Variants in ROBO1 observed in about 807,000 individuals in gnomAD.
ROBO1 encodes roundabout homolog 1.
ROBO1 carries 149 observed loss-of-function variants against 195.9 expected under a neutral mutation model. The ratio of observed to expected loss-of-function variants is 0.76; its 90% CI spans 0.67 to 0.87. ROBO1 has a LOEUF of 0.87. Among genes scored for constraint, ROBO1 ranks in the 40% least tolerant of loss-of-function variants. The pLI is 0.00. For synonymous variants in ROBO1, 816 were observed against 733.2 expected (o/e 1.11, Z -1.82); for missense variants, 1,933 against 2,068.3 (o/e 0.93, Z 1.27).
At chr3:78,784,738 T>C (rs935932392) in intron 4 of ROBO1, among the ~76,000 whole-genome samples, 1 of 152,192 alleles carries the variant, frequency 6.6e-6, no homozygotes, top group African/African-American at 2.4e-5. Flanking sequence ...TCAACATTGG[T>C]CCTGGATATT....
intron 2 of ROBO1, among the ~76,000 whole-genome samples, chr3:79,261,572 A>G (rs550348838): frequency 1.1e-4 from 16 of 152,138 alleles, no homozygotes; most frequent in Admixed American, 3.3e-4. Context: ...TTTTAAGGCT[A>G]TCTTCTTAAG....
Position 78,710,135 on chromosome 3 carries a change from T to A in ROBO1, c.1045+4262A>T, listed in dbSNP as rs1575988579. Reference sequence around the variant, plus strand: ...CCCAGGTTGGAGTGCAAGGCAGGGTTCGCAGCTCACTGAAACTTCCCACTC... The same window carrying A: ...CCCAGGTTGGAGTGCAAGGCAGGGTACGCAGCTCACTGAAACTTCCCACTC... On this transcript the variant is annotated intron_variant, in intron 8 of 30. Coordinates refer to ENST00000464233, the MANE Select transcript of ROBO1 (RefSeq NM_002941.4). Among the ~76,000 whole-genome samples, 5 of 152,248 alleles carry A rather than the reference T, an allele frequency of 3.3e-5. No individual in the cohort carries two copies. The East Asian group carries it at 9.6e-4, about 29-fold the overall frequency.
chr3:79,069,724 T>C (rs2079056330), intron 3 of ROBO1, among the ~76,000 whole-genome samples: 1 of 151,928 alleles, frequency 6.6e-6, no homozygotes, highest in Non-Finnish European at 1.5e-5. Context: ...ACTTAGTAGT[T>C]AATTTGGCTA....
intron 2 of ROBO1, among the ~76,000 whole-genome samples, chr3:79,189,817 A>C (rs184172570): frequency 6.6e-5 from 10 of 151,850 alleles, no homozygotes; most frequent in African/African-American, 1.9e-4. Context: ...AGTTTAAAGA[A>C]ACATAAATAG....
chr3:78,847,354 C>T lies in ROBO1; in HGVS notation c.499+91247G>A, dbSNP rs551061574. Among the ~76,000 whole-genome samples, 3 of 152,156 alleles carry T rather than the reference C, an allele frequency of 2.0e-5. 1 individual carries two copies. The South Asian group carries it at 6.2e-4, about 32-fold the overall frequency. On this transcript the variant is annotated intron_variant, in intron 4 of 30. Transcript: ENST00000464233. Reference sequence around the variant, plus strand: ...AGGGACCAGAAATGTGTCAGGCCACCGTGTGTTACTTTTTAACAGCTATAC... The same window carrying T: ...AGGGACCAGAAATGTGTCAGGCCACTGTGTGTTACTTTTTAACAGCTATAC...
At chr3:79,490,520 G>A (rs538570726) in intron 2 of ROBO1, among the ~76,000 whole-genome samples, 1 of 152,300 alleles carries the variant, frequency 6.6e-6, no homozygotes, top group South Asian at 2.1e-4. Context: ...AGAAGAAGCC[G>A]AGAAGGAGGA....
At chr3:79,019,076 T>C in intron 3 of ROBO1, 1 of 989,624 alleles carries the variant, frequency 1.0e-6, no homozygotes, top group Non-Finnish European at 1.2e-6. Context: ...CGACAGCGGC[T>C]GCCTGGGCGG....
intron 2 of ROBO1, among the ~76,000 whole-genome samples, chr3:79,133,764 G>A (rs1180493427): frequency 8.6e-5 from 11 of 127,516 alleles, no homozygotes; most frequent in South Asian, 5.9e-4. Context: ...GGCGCTCTGC[G>A]TTTTAGAGTT....
chr3:78,967,689 A>G (rs1339459101), intron 3 of ROBO1, among the ~76,000 whole-genome samples: 1 of 152,096 alleles, frequency 6.6e-6, no homozygotes, highest in Non-Finnish European at 1.5e-5. Flanking sequence ...GTATTTTTTA[A>G]TTTTAAAATG....
chr3:78,692,883 C>A (rs2081206219), intron 8 of ROBO1: 1 of 153,202 alleles, frequency 6.5e-6, no homozygotes, highest in African/African-American at 2.4e-5. Context: ...AAGGGCAAGG[C>A]TATTATTCAC....
At chr3:79,072,033 T>A (rs1195266220) in intron 3 of ROBO1, among the ~76,000 whole-genome samples, 1 of 151,918 alleles carries the variant, frequency 6.6e-6, no homozygotes, top group African/African-American at 2.4e-5. Flanking sequence ...AGACATTTTT[T>A]AAAAGAAGGC....
At chr3:78,831,042 A>C (rs948003254) in intron 4 of ROBO1, among the ~76,000 whole-genome samples, 9 of 151,944 alleles carry the variant, frequency 5.9e-5, no homozygotes, top group African/African-American at 2.2e-4. Context: ...CCTCCTGAGT[A>C]GCTGGGATTA....
chr3:78,723,617 T>A (rs187889250), intron 5 of ROBO1, among the ~76,000 whole-genome samples: 2 of 152,178 alleles, frequency 1.3e-5, no homozygotes, highest in Middle Eastern at 3.4e-3. Flanking sequence ...TATCTGGCAA[T>A]GTCTGCAGAC....
chr3:79,299,584 A>G (rs1294598962), intron 2 of ROBO1, among the ~76,000 whole-genome samples: 1 of 152,196 alleles, frequency 6.6e-6, no homozygotes, highest in Non-Finnish European at 1.5e-5. Context: ...GAAAATAAAG[A>G]TATTATATAA....
intron 2 of ROBO1, among the ~76,000 whole-genome samples, chr3:79,335,254 A>G (rs1313423330): frequency 6.6e-6 from 1 of 152,228 alleles, no homozygotes; most frequent in East Asian, 1.9e-4. Flanking sequence ...TTCTGTATTT[A>G]TATAGCGTAT....
intron 4 of ROBO1, among the ~76,000 whole-genome samples, chr3:78,827,289 T>A (rs1369876925): frequency 6.6e-6 from 1 of 152,204 alleles, no homozygotes; most frequent in African/African-American, 2.4e-5. Context: ...TCTTGTTATA[T>A]GTAAATCTGT....
chr3:79,047,321 CT>C (rs2078613155), intron 3 of ROBO1, among the ~76,000 whole-genome samples: 1 of 151,722 alleles, frequency 6.6e-6, no homozygotes, highest in Non-Finnish European at 1.5e-5. Flanking sequence ...TTTTTTCTTG[CT>C]GCTTATAATA....
At chr3:79,411,921 G>T (rs1457632301) in intron 2 of ROBO1, among the ~76,000 whole-genome samples, 1 of 152,068 alleles carries the variant, frequency 6.6e-6, no homozygotes, top group Non-Finnish European at 1.5e-5. Context: ...GGTTACTCAC[G>T]ATTCTTTTCA....
At position 79,766,391 on chromosome 3, in the gene ROBO1, C is replaced by T. The variant is rs144989800; in HGVS notation, c.-51+1361G>A. Among the ~76,000 whole-genome samples the T allele has an allele frequency of 2.0e-5, 3 of 151,836 alleles. No homozygotes were observed. In the South Asian group the frequency reaches 6.3e-4, roughly 32 times the overall value. The stretch of plus-strand genomic sequence containing the variant: ...GATATTTGAGTAGTGGGAGCTCCGA[C>T]TCGAGGCAGGAGTGGGATGTCTTAG... On this transcript the variant is annotated intron_variant, in intron 1 of 30. Coordinates refer to ENST00000464233, the MANE Select transcript of ROBO1 (RefSeq NM_002941.4).
Sources: gnomAD v4.1 joint callset for allele counts (sites outside exome capture counted in the v4.1 genomes callset) on GRCh38, gnomAD v4.1.1 for gene constraint, MANE v1.5 for transcripts, NCBI Gene and HGNC (gene_info 2026-07-23, HGNC 2026-07-21) for gene names.